The following DNAH9 variants were observed in gnomAD, a reference collection of about 807,000 sequenced individuals.
DNAH9 encodes the protein dynein axonemal heavy chain 9.
DNAH9 carries 345 observed loss-of-function variants against 471.6 expected under a neutral mutation model. That is an observed-to-expected ratio of 0.73 (90% CI 0.67 to 0.80). The LOEUF is 0.80. DNAH9 is among the 30% of genes least tolerant of loss of function. The pLI is 0.00. For synonymous variants in DNAH9, 2,093 were observed against 2,123.6 expected (o/e 0.99, Z 0.40); for missense variants, 5,407 against 5,609.2 (o/e 0.96, Z 1.15).
At chr17:11,941,464 A>G (rs1974905334) in intron 66 of DNAH9, among the ~76,000 whole-genome samples, 1 of 152,286 alleles carries the variant, frequency 6.6e-6, no homozygotes, top group African/African-American at 2.4e-5. Context: ...TCAACCTCCA[A>G]GTGCTTGCCC....
rs1469526599 is a variant in DNAH9, at chr17:11,763,534, G to T, written c.7090G>T (p.Asp2364Tyr). ...CLLTTEDIPA[D>Y]CPKEIYEHYF... is the part of the protein sequence containing the mutation. ...CCTGACCACGGAGGACATCCCTGCAGACTGCCCTAAGGAAATTTATGAGCA... is the reference window on the plus strand; with the variant it reads ...CCTGACCACGGAGGACATCCCTGCATACTGCCCTAAGGAAATTTATGAGCA... The change falls in exon 36 of 69, where the codon GAC becomes TAC. Residue 2364 changes from aspartate to tyrosine, a missense_variant. Physicochemically the swap from Asp to Tyr is radical, Grantham distance 160. Coordinates refer to ENST00000262442, the MANE Select transcript of DNAH9 (RefSeq NM_001372.4). 1 of 1,614,054 alleles carries T rather than the reference G, an allele frequency of 6.2e-7. No homozygotes were observed. The highest frequency in any genetic ancestry group is 1.3e-5 in the African/African-American group (1 of 74,926).
chr17:11,783,566 A>G (rs549558370), intron 39 of DNAH9, 80 bp from the exon 40 acceptor site: 2 of 1,013,376 alleles, frequency 2.0e-6, no homozygotes, highest in South Asian at 2.9e-5. Flanking sequence ...ACAGTAGGGC[A>G]CATCCTACCG....
intron 48 of DNAH9, among the ~76,000 whole-genome samples, chr17:11,824,066 C>T (rs1970407193): frequency 6.6e-6 from 1 of 152,128 alleles, no homozygotes; most frequent in African/African-American, 2.4e-5. Flanking sequence ...GGAGTTGGGG[C>T]CAACTCTTGC....
intron 65 of DNAH9, 38 bp downstream of exon 65, chr17:11,934,109 G>A (rs1974614880): frequency 5.0e-6 from 8 of 1,585,680 alleles, no homozygotes; most frequent in Non-Finnish European, 6.9e-6. Flanking sequence ...TCGTGAGGGT[G>A]CTCACAGGGC....
rs963332411 is a variant in DNAH9, at chr17:11,937,066, G to C, written c.12490-286G>C. Reference sequence around the variant, plus strand: ...GGAAAAAGAGTCATCAGGGAGGAGTGGGAGGCATTGGGTGTGGAGATAGAT... The same window carrying C: ...GGAAAAAGAGTCATCAGGGAGGAGTCGGAGGCATTGGGTGTGGAGATAGAT... On this transcript the variant is annotated intron_variant, in intron 65 of 68. Transcript: ENST00000262442. This position sits in a 1 kb window ranked among gnomAD's most constrained non-coding sequence, Gnocchi z 4.1. 6.6e-6 allele frequency among the ~76,000 whole-genome samples: 1 copy of C among 152,184 alleles called. No homozygotes were observed. Among genetic ancestry groups the C allele is most frequent in the Non-Finnish European group, 1.5e-5 (1 of 68,048 alleles).
chr17:11,676,373 C>T (rs11868678), intron 17 of DNAH9, among the ~76,000 whole-genome samples: 25,921 of 150,766 alleles, frequency 0.17, 2,325 homozygotes, highest in African/African-American at 0.21. Flanking sequence ...ACCTCCACCT[C>T]CCGGGTTCAA....
chr17:11,743,329 C>T (rs1269023150), intron 30 of DNAH9, among the ~76,000 whole-genome samples: 4 of 152,184 alleles, frequency 2.6e-5, no homozygotes, highest in Non-Finnish European at 5.9e-5. Context: ...CATTTCCTTT[C>T]CCTATTCATT....
chr17:11,826,825 T>C (rs2150946292), intron 48 of DNAH9, among the ~76,000 whole-genome samples: 1 of 142,086 alleles, frequency 7.0e-6, no homozygotes, highest in African/African-American at 2.6e-5. Flanking sequence ...ACTTTCTTTT[T>C]TTTTTTTTTT....
intron 27 of DNAH9, among the ~76,000 whole-genome samples, chr17:11,724,641 C>T (rs2075121560): frequency 6.6e-6 from 1 of 152,124 alleles, no homozygotes; most frequent in Non-Finnish European, 1.5e-5. Flanking sequence ...ATGTTGATTT[C>T]TGAATTTCCA....
rs1430194443 is a variant in DNAH9 at position 11,752,973 on chromosome 17, G to A, written c.6738+13G>A. Reference sequence around the variant, plus strand: ...GGATGATAACAAGGTATGAAATTGGGGGATATCCCTAGATCATTTCTAATC... The same window carrying A: ...GGATGATAACAAGGTATGAAATTGGAGGATATCCCTAGATCATTTCTAATC... On this transcript the variant is annotated intron_variant, in intron 33 of 68. Transcript: ENST00000262442. The A allele has an allele frequency of 3.8e-6, 6 of 1,572,540 alleles. No homozygotes were observed. The highest frequency in any genetic ancestry group is 5.2e-6 in the Non-Finnish European group (6 of 1,159,938).
Position 11,786,755 on chromosome 17 carries a change from T to C in DNAH9, c.8061+2216T>C, listed in dbSNP as rs16945356. Among the ~76,000 whole-genome samples the C allele has an allele frequency of 4.9e-3, 751 of 152,272 alleles. 7 individuals carry two copies. The highest frequency in any genetic ancestry group is 0.017 in the African/African-American group (720 of 41,552). On this transcript the variant is annotated intron_variant, in intron 41 of 68. Coordinates refer to ENST00000262442, the MANE Select transcript of DNAH9 (RefSeq NM_001372.4). ...CCGGAGGAAAGAGTACACCTTGTGGTAGTGGTCACTGATGCAATATCAAGG... is the reference window on the plus strand; with the variant it reads ...CCGGAGGAAAGAGTACACCTTGTGGCAGTGGTCACTGATGCAATATCAAGG...
intron 30 of DNAH9, among the ~76,000 whole-genome samples, chr17:11,743,933 G>A (rs9303039): frequency 0.65 from 97,752 of 151,220 alleles, 32,158 homozygotes; most frequent in Admixed American, 0.76. Flanking sequence ...AGGTTGAAGT[G>A]ATTCTCCTGC....
At chr17:11,708,876 C>T (rs1208659268) in intron 26 of DNAH9, among the ~76,000 whole-genome samples, 1 of 152,136 alleles carries the variant, frequency 6.6e-6, no homozygotes, top group Non-Finnish European at 1.5e-5. Context: ...CTTCTCTACT[C>T]CCAGGACCTA....
intron 19 of DNAH9, among the ~76,000 whole-genome samples, chr17:11,681,514 G>A (rs1301905118): frequency 1.3e-5 from 2 of 152,140 alleles, no homozygotes; most frequent in African/African-American, 2.4e-5. Flanking sequence ...CAGCATCAAC[G>A]GCTCCAACCA....
At chr17:11,832,529 T>C (rs1226117263) in intron 48 of DNAH9, among the ~76,000 whole-genome samples, 5 of 152,246 alleles carry the variant, frequency 3.3e-5, no homozygotes, top group African/African-American at 1.2e-4. Flanking sequence ...ACCTTCCAAC[T>C]TGTGAATGTA....
At chr17:11,726,709 C>G (rs1452621164) in intron 27 of DNAH9, among the ~76,000 whole-genome samples, 2 of 152,228 alleles carry the variant, frequency 1.3e-5, no homozygotes, top group South Asian at 4.1e-4. Flanking sequence ...GACTGAGCTC[C>G]CCTATGTCCA....
At chr17:11,917,889 T>C (rs1974007254) in intron 61 of DNAH9, among the ~76,000 whole-genome samples, 1 of 152,144 alleles carries the variant, frequency 6.6e-6, no homozygotes, top group African/African-American at 2.4e-5. Context: ...CGGCATCTTC[T>C]CTGGTCTTTC....
At chr17:11,695,106 T>G (rs1317567706) in intron 22 of DNAH9, among the ~76,000 whole-genome samples, 1 of 151,336 alleles carries the variant, frequency 6.6e-6, no homozygotes, top group African/African-American at 2.4e-5. Flanking sequence ...GCCAGGGTGG[T>G]CTTGATCTCC....
At chr17:11,667,982 C>T (rs370267887) in intron 15 of DNAH9, among the ~76,000 whole-genome samples, 13 of 152,288 alleles carry the variant, frequency 8.5e-5, no homozygotes, top group East Asian at 5.8e-4. Context: ...CAGCCCATAA[C>T]GGGCTCCTAA....
Sources: allele counts gnomAD v4.1 joint callset (sites outside exome capture counted in the v4.1 genomes callset), GRCh38; gene constraint gnomAD v4.1.1; non-coding constraint Gnocchi (gnomAD v3.1); transcripts MANE v1.5; gene names NCBI Gene and HGNC (gene_info 2026-07-23, HGNC 2026-07-21).